IGSF10: variants seen among roughly 807,000 people sequenced by gnomAD.
The protein encoded by IGSF10 is calvaria mechanical force protein 608.
Under a neutral mutation model 128.2 loss-of-function variants are expected in IGSF10, and 126 were observed. The ratio of observed to expected loss-of-function variants is 0.98; its 90% CI spans 0.85 to 1.14. The LOEUF (loss-of-function observed/expected upper bound fraction) is 1.14, where lower values mean the gene tolerates loss of function less well. Among genes scored for constraint, IGSF10 ranks in the 50% most tolerant of loss-of-function variants. The pLI, the probability that IGSF10 is intolerant of heterozygous loss-of-function variation, is 0.00. For missense variants in IGSF10, 3,295 were observed against 3,149.8 expected, an observed-to-expected ratio of 1.05 and a Z score of -1.10; for synonymous variants, 1,185 against 1,146.2, an observed-to-expected ratio of 1.03 and a Z score of -0.68.
At chr3:151,568,806 A>G in the IGSF10 span, among the ~76,000 whole-genome samples, 5 of 152,180 alleles carry the variant, frequency 3.3e-5, no homozygotes, top group South Asian at 2.1e-4. Context: ...TAGGTAAGAC[A>G]CCCTTATGAC....
chr3:151,537,012 A>C, the IGSF10 span, among the ~76,000 whole-genome samples: 1 of 152,162 alleles, frequency 6.6e-6, no homozygotes, highest in Non-Finnish European at 1.5e-5. Context: ...TACAGAATTT[A>C]AGTTTGTTCT....
chr3:151,566,414 A>T, the IGSF10 span, among the ~76,000 whole-genome samples: 17 of 152,314 alleles, frequency 1.1e-4, no homozygotes, highest in Admixed American at 3.9e-4. Context: ...ACCAGTTGGC[A>T]TTGGTTGTGT....
At chr3:151,584,687 C>G in the IGSF10 span, among the ~76,000 whole-genome samples, 6 of 152,120 alleles carry the variant, frequency 3.9e-5, no homozygotes, top group Non-Finnish European at 8.8e-5. Context: ...TTAGCTTTAC[C>G]CCCTGGGGAT....
chr3:151,595,786 A>C, the IGSF10 span, among the ~76,000 whole-genome samples: 39,887 of 150,062 alleles, frequency 0.27, 5,758 homozygotes, highest in South Asian at 0.53. Flanking sequence ...TTACTAGGGG[A>C]AGGAGAAGGA....
chr3:151,457,787 TTAATA>T (rs1721867860), intron 3 of IGSF10, among the ~76,000 whole-genome samples: 1 of 152,228 alleles, frequency 6.6e-6, no homozygotes, highest in Non-Finnish European at 1.5e-5. Flanking sequence ...ATGTTAGCTC[TTAATA>T]TTAGTGACTG....
intron 4 of IGSF10, among the ~76,000 whole-genome samples, chr3:151,454,457 C>T (rs1246315988): frequency 6.6e-6 from 1 of 151,966 alleles, no homozygotes; most frequent in Non-Finnish European, 1.5e-5. Context: ...TTGAATGGAG[C>T]GGAGAATAGT....
chr3:151,461,679 A>C (rs1170011413), upstream of IGSF10, among the ~76,000 whole-genome samples: 1 of 152,218 alleles, frequency 6.6e-6, no homozygotes, highest in Non-Finnish European at 1.5e-5. Flanking sequence ...CTTGCACATT[A>C]GATCTATATA....
Position 151,437,096 on chromosome 3 carries a change from C to T in IGSF10, c.7465G>A (p.Gly2489Ser), listed in dbSNP as rs1193436545. 5 of 1,614,176 alleles carry T rather than the reference C, an allele frequency of 3.1e-6. No homozygotes were observed. The highest frequency in any genetic ancestry group is 2.5e-6 in the Non-Finnish European group (3 of 1,180,018). The part of the protein sequence containing the change: ...INGKYILHDN[G>S]TLVIKEATAY... ...GTTGCTTCTTTAATGACTAAGGTGCCATTGTCATGCAATATGTATTTCCCA... is the reference window on the plus strand; with the variant it reads ...GTTGCTTCTTTAATGACTAAGGTGCTATTGTCATGCAATATGTATTTCCCA... Residue 2489 changes from glycine to serine, a missense_variant, in exon 8 of 8, where the codon GGC (glycine) becomes AGC (serine). Coordinates refer to ENST00000282466, the MANE Select transcript of IGSF10 (RefSeq NM_178822.5).
chr3:151,555,536 G>A, the IGSF10 span, among the ~76,000 whole-genome samples: 2 of 152,126 alleles, frequency 1.3e-5, no homozygotes, highest in African/African-American at 2.4e-5. Flanking sequence ...AGTGGTCCAT[G>A]GTATACCTCT....
At chr3:151,484,401 T>A in the IGSF10 span, among the ~76,000 whole-genome samples, 2 of 152,190 alleles carry the variant, frequency 1.3e-5, no homozygotes, top group African/African-American at 4.8e-5. Flanking sequence ...TGTCCCTGAC[T>A]GATGGCTCTG....
the IGSF10 span, among the ~76,000 whole-genome samples, chr3:151,607,725 T>C: frequency 6.7e-3 from 1,022 of 151,554 alleles, 8 homozygotes; most frequent in Non-Finnish European, 8.6e-3. Flanking sequence ...TCCTGGCTAA[T>C]ACGGTGAAAC....
chr3:151,468,241 A>T, the IGSF10 span, among the ~76,000 whole-genome samples: 1 of 152,012 alleles, frequency 6.6e-6, no homozygotes, highest in South Asian at 2.1e-4. Context: ...TTTTGAGAGG[A>T]CTCTAGAGCA....
the IGSF10 span, among the ~76,000 whole-genome samples, chr3:151,559,530 G>C: frequency 6.6e-6 from 1 of 152,026 alleles, no homozygotes; most frequent in African/African-American, 2.4e-5. Context: ...AAATTATTTT[G>C]GTTGTATTGA....
At chr3:151,540,435 G>A in the IGSF10 span, among the ~76,000 whole-genome samples, 2 of 152,036 alleles carry the variant, frequency 1.3e-5, no homozygotes, top group African/African-American at 2.4e-5. Context: ...TTATTTTTTT[G>A]AGGAGTATCC....
chr3:151,491,567 G>T, the IGSF10 span, among the ~76,000 whole-genome samples: 1 of 152,016 alleles, frequency 6.6e-6, no homozygotes, highest in Non-Finnish European at 1.5e-5. Flanking sequence ...GACGGAGTGA[G>T]AAATAGTTAC....
chr3:151,617,312 T>C, the IGSF10 span, among the ~76,000 whole-genome samples: 159 of 119,050 alleles, frequency 1.3e-3, 5 homozygotes, highest in African/African-American at 4.7e-3. Flanking sequence ...TTCTTCTTCT[T>C]CTTCTTCCCC....
the IGSF10 span, among the ~76,000 whole-genome samples, chr3:151,581,671 T>C: frequency 1.3e-5 from 2 of 152,342 alleles, no homozygotes; most frequent in African/African-American, 2.4e-5. Flanking sequence ...TGACAAATAA[T>C]GAAGCAGATT....
chr3:151,591,248 A>C, the IGSF10 span, among the ~76,000 whole-genome samples: 1 of 151,614 alleles, frequency 6.6e-6, no homozygotes, highest in Admixed American at 6.6e-5. Context: ...ATAGGAAAAA[A>C]AGTGGGAAAA....
At position 151,461,029 on chromosome 3, in the gene IGSF10, G is replaced by A. The variant is rs1301171722; in HGVS notation, c.-172C>T. Reference sequence around the variant, plus strand: ...CCGGGCTCAGCTGCTGGGGTCGTGCGGAGCTGGTCCGGAGCTCTGGGAGGG... The same window carrying A: ...CCGGGCTCAGCTGCTGGGGTCGTGCAGAGCTGGTCCGGAGCTCTGGGAGGG... On this transcript the variant is annotated 5_prime_UTR_variant, in exon 1 of 8. Transcript: ENST00000282466. 2 of 985,280 alleles carry A rather than the reference G, an allele frequency of 2.0e-6. No homozygotes were observed. Among genetic ancestry groups the A allele is most frequent in the African/African-American group, 1.7e-5 (1 of 57,232 alleles). 61.0% of individuals were successfully genotyped at this position (985,280 alleles called of 1,614,324 possible). A position where few individuals can be genotyped will look rare whatever the true frequency, so the allele number is the denominator to read the frequency against.
Sources: allele counts gnomAD v4.1 joint callset (sites outside exome capture counted in the v4.1 genomes callset), GRCh38; gene constraint gnomAD v4.1.1; transcripts MANE v1.5; gene names NCBI Gene and HGNC (gene_info 2026-07-23, HGNC 2026-07-21).